Variants in PSD3 observed in about 807,000 individuals in gnomAD.
The protein encoded by PSD3 is PH and SEC7 domain-containing protein 3.
A neutral mutation model predicts 105.5 loss-of-function variants in PSD3; 49 were observed. The observed-to-expected ratio is 0.46, with a 90% CI of 0.37 to 0.59. The LOEUF (loss-of-function observed/expected upper bound fraction) is 0.59, where lower values mean the gene tolerates loss of function less well. Among genes scored for constraint, PSD3 ranks in the 20% least tolerant of loss-of-function variants. The pLI is 0.00. For missense variants in PSD3, 1,561 were observed against 1,263.8 expected, an observed-to-expected ratio of 1.24 and a Z score of -3.57; for synonymous variants, 557 against 457.8, an observed-to-expected ratio of 1.22 and a Z score of -2.77.
intron 9 of PSD3, among the ~76,000 whole-genome samples, chr8:18,695,694 T>A (rs763898784): frequency 6.6e-6 from 1 of 152,246 alleles, no homozygotes; most frequent in Non-Finnish European, 1.5e-5. Context: ...TTCCTGGGTA[T>A]ATACACATAC....
chr8:18,685,702 T>C (rs1251397404), intron 9 of PSD3, among the ~76,000 whole-genome samples: 1 of 152,124 alleles, frequency 6.6e-6, no homozygotes, highest in Non-Finnish European at 1.5e-5. Context: ...TAAAAAGTGG[T>C]GTACTATAGC....
chr8:18,707,674 G>A (rs1801985322), intron 9 of PSD3, among the ~76,000 whole-genome samples: 2 of 152,130 alleles, frequency 1.3e-5, no homozygotes, highest in Admixed American at 1.3e-4. Flanking sequence ...GGGATTCAGG[G>A]CCCATGTTTG....
At chr8:18,818,819 A>T (rs1586118497) in intron 4 of PSD3, among the ~76,000 whole-genome samples, 1 of 152,276 alleles carries the variant, frequency 6.6e-6, no homozygotes, top group East Asian at 1.9e-4. Context: ...TATTAGTGAC[A>T]GTCAGAACCT....
chr8:18,793,973 G>T lies in PSD3; in HGVS notation c.2082+5322C>A, dbSNP rs1252123535. ...CTGTGGGGAAAAGCAAGAGAGATCA[G>T]ATTGTTACTGTGTCTGTGTAGAAAG... On this transcript the variant is annotated intron_variant, in intron 8 of 15. Coordinates refer to ENST00000327040, the MANE Select transcript of PSD3 (RefSeq NM_015310.4). 2.1e-4 allele frequency among the ~76,000 whole-genome samples: 3 copies of T among 14,432 alleles called. 1 individual carries two copies. The highest frequency in any genetic ancestry group is 3.9e-4 in the African/African-American group (3 of 7,744). The allele number at this position is 14,432 out of a possible 152,430, so 9.5% of individuals were successfully genotyped here.
intron 1 of PSD3, among the ~76,000 whole-genome samples, chr8:18,955,309 T>C (rs933842785): frequency 6.6e-6 from 1 of 152,132 alleles, no homozygotes; most frequent in Admixed American, 6.6e-5. Context: ...GGCACGATCA[T>C]AGTTCACTGC....
At chr8:19,031,447 G>A (rs1827766413) in intron 1 of PSD3, among the ~76,000 whole-genome samples, 1 of 152,010 alleles carries the variant, frequency 6.6e-6, no homozygotes, top group Non-Finnish European at 1.5e-5. Flanking sequence ...ACTACTTTGT[G>A]GAGAAAAATC....
chr8:19,053,853 G>T (rs1164142763), intron 1 of PSD3, among the ~76,000 whole-genome samples: 1 of 152,152 alleles, frequency 6.6e-6, no homozygotes, highest in African/African-American at 2.4e-5. Flanking sequence ...GGAAGAGAAG[G>T]CACTCAATAA....
intron 10 of PSD3, among the ~76,000 whole-genome samples, chr8:18,635,721 C>A (rs902018506): frequency 6.6e-6 from 1 of 152,092 alleles, no homozygotes; most frequent in Non-Finnish European, 1.5e-5. Flanking sequence ...AGAATGAATT[C>A]ATGTCCTTTG....
chr8:18,845,875 T>G (rs1400395240), intron 4 of PSD3, among the ~76,000 whole-genome samples: 1 of 152,158 alleles, frequency 6.6e-6, no homozygotes, highest in Non-Finnish European at 1.5e-5. Flanking sequence ...TGGAAGAAAA[T>G]AAACACATCT....
intron 4 of PSD3, among the ~76,000 whole-genome samples, chr8:18,835,272 T>A (rs562343630): frequency 6.6e-6 from 1 of 152,336 alleles, no homozygotes; most frequent in South Asian, 2.1e-4. Flanking sequence ...GTGATAATTA[T>A]AATAAGACCA....
At chr8:18,641,652 TAA>T (rs1807651072) in intron 10 of PSD3, among the ~76,000 whole-genome samples, 1 of 152,182 alleles carries the variant, frequency 6.6e-6, no homozygotes, top group African/African-American at 2.4e-5. Flanking sequence ...TTGGTACACT[TAA>T]GTGGGTGAAT....
chr8:18,547,154 G>A (rs780919842), intron 15 of PSD3, among the ~76,000 whole-genome samples: 2 of 152,130 alleles, frequency 1.3e-5, no homozygotes, highest in Non-Finnish European at 2.9e-5. Flanking sequence ...GTGGAATGAC[G>A]GTGGAGACCC....
At chr8:18,625,653 C>T (rs182998234) in intron 11 of PSD3, among the ~76,000 whole-genome samples, 64 of 152,238 alleles carry the variant, frequency 4.2e-4, no homozygotes, top group African/African-American at 1.3e-3. Context: ...ATTTTCTCAT[C>T]GGAATTGCTT....
In PSD3 at chr8:18,982,748, G is replaced by C. The variant is rs117503199; in HGVS notation, c.21+30815C>G. ...CTCAACAGTTGGCTTCAAATATTCAGTAAACCATGCTGCTAATAGACGTCC... is the reference window on the plus strand; with the variant it reads ...CTCAACAGTTGGCTTCAAATATTCACTAAACCATGCTGCTAATAGACGTCC... On this transcript the variant is annotated intron_variant, in intron 1 of 15. Transcript: ENST00000327040. Among the ~76,000 whole-genome samples the C allele has an allele frequency of 1.8e-3, 274 of 152,296 alleles. 8 individuals carry two copies. In the East Asian group the frequency reaches 0.05, roughly 28 times the overall value.
At chr8:18,619,264 C>T (rs750825325) in intron 11 of PSD3, among the ~76,000 whole-genome samples, 6 of 151,914 alleles carry the variant, frequency 3.9e-5, no homozygotes, top group South Asian at 2.1e-4. Flanking sequence ...AGTTCAGGCC[C>T]GACTGACCAG....
At chr8:18,638,899 C>A (rs1002425260) in intron 10 of PSD3, among the ~76,000 whole-genome samples, 1 of 152,068 alleles carries the variant, frequency 6.6e-6, no homozygotes, top group African/African-American at 2.4e-5. Flanking sequence ...AGAAAAAAAT[C>A]CCAAGTAGCT....
intron 14 of PSD3, among the ~76,000 whole-genome samples, chr8:18,561,342 T>C (rs1801386294): frequency 6.6e-6 from 1 of 152,178 alleles, no homozygotes. Context: ...TGGACAAACC[T>C]GGAGGACATT....
chr8:18,764,422 T>A (rs1427418906), intron 9 of PSD3, among the ~76,000 whole-genome samples: 2 of 152,344 alleles, frequency 1.3e-5, no homozygotes, highest in Non-Finnish European at 1.5e-5. Flanking sequence ...CTTTACTCCA[T>A]AAATTAAAGC....
chr8:18,734,664 A>T (rs900886664), intron 9 of PSD3, among the ~76,000 whole-genome samples: 26 of 152,198 alleles, frequency 1.7e-4, no homozygotes, highest in Non-Finnish European at 3.1e-4. Context: ...CCTAAAAGCA[A>T]TGAATGTACA....
Sources: allele counts gnomAD v4.1 joint callset (sites outside exome capture counted in the v4.1 genomes callset), GRCh38; gene constraint gnomAD v4.1.1; transcripts MANE v1.5; gene names NCBI Gene and HGNC (gene_info 2026-07-23, HGNC 2026-07-21).